The following TMEM14C variants were observed in gnomAD, a reference collection of about 807,000 sequenced individuals.
TMEM14C encodes chromosome 6 open reading frame 53.
Under a neutral mutation model 14.8 loss-of-function variants are expected in TMEM14C, and 13 were observed. The observed-to-expected ratio is 0.88, with a 90% CI of 0.57 to 1.40. The LOEUF (loss-of-function observed/expected upper bound fraction) is 1.40, where lower values mean the gene tolerates loss of function less well. TMEM14C is among the 40% of genes most tolerant of loss of function. The pLI is 0.00. For missense variants in TMEM14C, 142 were observed against 138.8 expected (o/e 1.02, Z -0.12); for synonymous variants, 57 against 51.3 (o/e 1.11, Z -0.48).
chr6:10,725,525 GA>G (rs1770831085), intron 3 of TMEM14C, among the ~76,000 whole-genome samples: 1 of 151,926 alleles, frequency 6.6e-6, no homozygotes, highest in African/African-American at 2.4e-5. Flanking sequence ...TTTTTTAATT[GA>G]CTGGCCTTAT....
intron 5 of TMEM14C, among the ~76,000 whole-genome samples, chr6:10,730,205 A>C (rs546582840): frequency 1.3e-5 from 2 of 152,338 alleles, no homozygotes; most frequent in South Asian, 4.1e-4. Flanking sequence ...TTTTGGAGAA[A>C]GATTACATAC....
chr6:10,724,308 C>T, intron 1 of TMEM14C: 1 of 330,590 alleles, frequency 3.0e-6, no homozygotes, highest in African/African-American at 2.1e-5. Flanking sequence ...GCTGAGTTTC[C>T]CGTGGGCCTA....
At chr6:10,728,464 T>C (rs1770931600) in intron 4 of TMEM14C, among the ~76,000 whole-genome samples, 176 bp from the exon 5 acceptor site, 1 of 152,174 alleles carries the variant, frequency 6.6e-6, no homozygotes, top group Non-Finnish European at 1.5e-5. Flanking sequence ...TTGGCCAATA[T>C]TGGTACTAGG....
chr6:10,728,700 T>C lies in TMEM14C; in HGVS notation c.260T>C (p.Met87Thr). The C allele has an allele frequency of 1.9e-6, 3 of 1,614,266 alleles. No homozygotes were observed. The highest frequency in any genetic ancestry group is 2.5e-6 in the Non-Finnish European group (3 of 1,180,048). ...AGGTTCTACCACTCTGGAAAATTCA[T>C]GCCTGCAGGTTTAATTGCAGGTGCC... ...GMRFYHSGKF[M>T]PAGLIAGASL... The change falls in exon 5 of 6, where the codon ATG becomes ACG. Residue 87 changes from methionine to threonine, a missense_variant. Physicochemically the swap from Met to Thr is moderately conservative, Grantham distance 81. Coordinates refer to ENST00000229563, the MANE Select transcript of TMEM14C (RefSeq NM_016462.4).
At chr6:10,729,591 A>C (rs1160540917) in intron 5 of TMEM14C, among the ~76,000 whole-genome samples, 1 of 152,066 alleles carries the variant, frequency 6.6e-6, no homozygotes, top group Non-Finnish European at 1.5e-5. Flanking sequence ...ATCCTGGCCA[A>C]CATTGCGAAA....
intron 4 of TMEM14C, among the ~76,000 whole-genome samples, chr6:10,727,144 G>A (rs112995667): frequency 2.0e-5 from 3 of 152,112 alleles, no homozygotes; most frequent in African/African-American, 4.8e-5. Flanking sequence ...GGGACTCCTG[G>A]AGCCTTTAAT....
chr6:10,725,805 G>A, intron 3 of TMEM14C, 102 bp from the exon 4 acceptor site: 1 of 1,428,930 alleles, frequency 7.0e-7, no homozygotes, highest in Non-Finnish European at 9.7e-7. Flanking sequence ...TGTGTTGAGA[G>A]TTCTCTGTGC....
At chr6:10,724,477 T>A in intron 1 of TMEM14C, 93 bp from the exon 2 acceptor site, 1 of 781,060 alleles carries the variant, frequency 1.3e-6, no homozygotes, top group Non-Finnish European at 2.2e-6. Context: ...ATACTGAGAC[T>A]TAGGTTGCGT....
chr6:10,727,386 CCA>C (rs2127488531), intron 4 of TMEM14C, among the ~76,000 whole-genome samples: 1 of 152,194 alleles, frequency 6.6e-6, no homozygotes, highest in African/African-American at 2.4e-5. Context: ...ATTGCCCAGG[CCA>C]GAGTGTAGTG....
chr6:10,729,571 G>T (rs1770970137), intron 5 of TMEM14C, among the ~76,000 whole-genome samples: 1 of 152,166 alleles, frequency 6.6e-6, no homozygotes, highest in African/African-American at 2.4e-5. Flanking sequence ...GATGTCAGGG[G>T]TTCAAGACCA....
At chr6:10,729,360 C>G (rs1264386365) in intron 5 of TMEM14C, among the ~76,000 whole-genome samples, 1 of 152,108 alleles carries the variant, frequency 6.6e-6, no homozygotes, top group Non-Finnish European at 1.5e-5. Context: ...GTCTGGAACT[C>G]CTGATCTTGT....
chr6:10,726,391 C>G (rs13212793), intron 4 of TMEM14C, among the ~76,000 whole-genome samples: 1 of 152,204 alleles, frequency 6.6e-6, no homozygotes, highest in African/African-American at 2.4e-5. Context: ...TGAAAATCAC[C>G]TCTTTAGCAG....
chr6:10,727,205 C>T (rs1415743257), intron 4 of TMEM14C, among the ~76,000 whole-genome samples: 1 of 152,182 alleles, frequency 6.6e-6, no homozygotes, highest in African/African-American at 2.4e-5. Flanking sequence ...CCAGTGTCTT[C>T]CTCTGGGCTT....
At chr6:10,726,628 T>G (rs1435729063) in intron 4 of TMEM14C, among the ~76,000 whole-genome samples, 1 of 152,146 alleles carries the variant, frequency 6.6e-6, no homozygotes, top group African/African-American at 2.4e-5. Flanking sequence ...AGGCAGAGAT[T>G]GCAGTTGAGC....
At chr6:10,725,457 T>G (rs1027646639) in intron 3 of TMEM14C, among the ~76,000 whole-genome samples, 10 of 152,180 alleles carry the variant, frequency 6.6e-5, no homozygotes, top group African/African-American at 2.4e-4. Context: ...CCCTAGTCCT[T>G]GCCTGCATTC....
intron 5 of TMEM14C, among the ~76,000 whole-genome samples, chr6:10,729,375 C>T (rs1266374187): frequency 6.6e-6 from 1 of 152,100 alleles, no homozygotes; most frequent in African/African-American, 2.4e-5. Context: ...TCTTGTGATC[C>T]GCCCACTTCG....
At chr6:10,727,922 T>G (rs571411264) in intron 4 of TMEM14C, among the ~76,000 whole-genome samples, 1 of 152,196 alleles carries the variant, frequency 6.6e-6, no homozygotes, top group Non-Finnish European at 1.5e-5. Context: ...AACCCCAGTA[T>G]GGCCTTCAAG....
chr6:10,724,695 T>C (rs987443164), intron 2 of TMEM14C, 62 bp downstream of exon 2: 33 of 1,583,560 alleles, frequency 2.1e-5, no homozygotes, highest in Admixed American at 1.1e-4. Flanking sequence ...TTCCTTTCCT[T>C]AGCTGAAAAG....
intron 5 of TMEM14C, 49 bp downstream of exon 5, chr6:10,728,776 C>G (rs764347207): frequency 7.7e-5 from 124 of 1,612,934 alleles, no homozygotes; most frequent in Non-Finnish European, 1.0e-4. Flanking sequence ...TCAGTTTATT[C>G]CCCAGGATAC....
Sources: allele counts gnomAD v4.1 joint callset (sites outside exome capture counted in the v4.1 genomes callset), GRCh38; gene constraint gnomAD v4.1.1; transcripts MANE v1.5; gene names NCBI Gene and HGNC (gene_info 2026-07-23, HGNC 2026-07-21).